The following GBE1 variants were observed in gnomAD, a reference collection of about 807,000 sequenced individuals.
GBE1 encodes the protein 1,4-alpha-glucan-branching enzyme.
Under a neutral mutation model 88.8 loss-of-function variants are expected in GBE1, and 70 were observed. The observed-to-expected ratio is 0.79, with a 90% CI of 0.65 to 0.96. The LOEUF (loss-of-function observed/expected upper bound fraction) is 0.96. GBE1 is among the 40% of genes least tolerant of loss of function. The pLI is 0.00. For synonymous variants in GBE1, 284 were observed against 300.1 expected (o/e 0.95, Z 0.56); for missense variants, 872 against 871.0 (o/e 1.00, Z -0.01).
chr3:81,754,516 A>T (rs1025155804), intron 1 of GBE1, among the ~76,000 whole-genome samples: 2 of 148,438 alleles, frequency 1.3e-5, no homozygotes, highest in Non-Finnish European at 3.0e-5. Flanking sequence ...AATCTTAGCA[A>T]AAAAAAAAAA....
chr3:81,608,360 T>C (rs1440253396), intron 7 of GBE1, among the ~76,000 whole-genome samples: 1 of 152,212 alleles, frequency 6.6e-6, no homozygotes, highest in Non-Finnish European at 1.5e-5. Context: ...TCTTGAGAAG[T>C]ATTTTATTTA....
At position 81,709,277 on chromosome 3, in the gene GBE1, T is replaced by C. The variant is rs141850894; in HGVS notation, c.144-3664A>G. ...TATGCAGGCCTGATGGAATACCATA[T>C]GCAAACTCTTTAAATCATATGAGAA... On this transcript the variant is annotated intron_variant, in intron 1 of 15. Transcript: ENST00000429644. 2.2e-4 allele frequency among the ~76,000 whole-genome samples: 33 copies of C among 152,286 alleles called. No homozygotes were observed. The East Asian group carries it at 5.8e-3, about 27-fold the overall frequency.
intron 1 of GBE1, among the ~76,000 whole-genome samples, chr3:81,736,003 G>C (rs541646529): frequency 6.6e-6 from 1 of 152,228 alleles, no homozygotes; most frequent in Non-Finnish European, 1.5e-5. Context: ...GAAAATGATA[G>C]CTACCTTATC....
At chr3:81,640,252 G>A (rs1047930377) in intron 7 of GBE1, among the ~76,000 whole-genome samples, 2 of 151,886 alleles carry the variant, frequency 1.3e-5, no homozygotes, top group Non-Finnish European at 2.9e-5. Context: ...CAGTGGACTG[G>A]AAAAGGCAGA....
intron 14 of GBE1, chr3:81,509,434 T>G (rs1702696068): frequency 6.6e-6 from 1 of 151,848 alleles, no homozygotes; most frequent in African/African-American, 2.4e-5. Flanking sequence ...TTCACCATAG[T>G]ATTATCAGCT....
At chr3:81,715,299 G>A (rs1475803763) in intron 1 of GBE1, among the ~76,000 whole-genome samples, 2 of 152,142 alleles carry the variant, frequency 1.3e-5, no homozygotes, top group African/African-American at 2.4e-5. Context: ...ATAATAAACT[G>A]GGGATGTGAT....
chr3:81,613,554 A>G (rs1370532717), intron 7 of GBE1, among the ~76,000 whole-genome samples: 1 of 152,174 alleles, frequency 6.6e-6, no homozygotes, highest in Non-Finnish European at 1.5e-5. Context: ...AAAAGAAAAA[A>G]AAAACTTAAA....
chr3:81,689,237 T>C (rs1294085158), intron 2 of GBE1, among the ~76,000 whole-genome samples: 2 of 152,202 alleles, frequency 1.3e-5, no homozygotes, highest in African/African-American at 4.8e-5. Flanking sequence ...CAGGTTAAAC[T>C]TCTCTCTTTG....
At chr3:81,546,032 T>C (rs954549540) in intron 12 of GBE1, among the ~76,000 whole-genome samples, 1 of 152,182 alleles carries the variant, frequency 6.6e-6, no homozygotes, top group Non-Finnish European at 1.5e-5. Context: ...TATGTTATTA[T>C]GCAGTATTGT....
chr3:81,664,775 T>G (rs1269751618), intron 3 of GBE1, among the ~76,000 whole-genome samples: 3 of 152,318 alleles, frequency 2.0e-5, no homozygotes, highest in Non-Finnish European at 2.9e-5. Flanking sequence ...ATTTCATTAT[T>G]ATTATCACTT....
intron 7 of GBE1, among the ~76,000 whole-genome samples, chr3:81,618,196 G>A (rs1024941019): frequency 6.6e-6 from 1 of 152,016 alleles, no homozygotes; most frequent in African/African-American, 2.4e-5. Flanking sequence ...TCGTTCATCT[G>A]AGAATGTCTT....
intron 1 of GBE1, among the ~76,000 whole-genome samples, chr3:81,739,610 T>C (rs147112276): frequency 3.9e-5 from 6 of 152,232 alleles, no homozygotes; most frequent in African/African-American, 1.2e-4. Context: ...CTTTCCTTAA[T>C]AGAAAAATAA....
At chr3:81,631,457 C>T (rs1704506973) in intron 7 of GBE1, among the ~76,000 whole-genome samples, 1 of 152,040 alleles carries the variant, frequency 6.6e-6, no homozygotes, top group South Asian at 2.1e-4. Flanking sequence ...TTAACAATGA[C>T]CAGGCGTGGT....
chr3:81,576,756 GTCAAC>G (rs1381710633), intron 12 of GBE1, among the ~76,000 whole-genome samples: 6,043 of 152,002 alleles, frequency 0.04, 404 homozygotes, highest in African/African-American at 0.14. Context: ...GGCTAGGGAT[GTCAAC>G]AAATTTCAGT....
intron 7 of GBE1, among the ~76,000 whole-genome samples, chr3:81,625,264 A>T (rs1464977813): frequency 2.0e-5 from 3 of 152,162 alleles, no homozygotes; most frequent in African/African-American, 7.2e-5. Context: ...GCTTCTTCTC[A>T]GGATATTTGA....
chr3:81,689,817 T>C (rs1257938688), intron 2 of GBE1, among the ~76,000 whole-genome samples: 2 of 152,066 alleles, frequency 1.3e-5, no homozygotes, highest in African/African-American at 4.8e-5. Context: ...GGGAAGTTAG[T>C]GTTGTTTGCA....
chr3:81,758,336 A>G (rs1479997514), intron 1 of GBE1, among the ~76,000 whole-genome samples: 1 of 152,244 alleles, frequency 6.6e-6, no homozygotes, highest in Non-Finnish European at 1.5e-5. Flanking sequence ...ACAAATGCCA[A>G]TTCTCTGTTT....
rs529281897 is a variant in GBE1, at chr3:81,606,715, G to A, written c.993-12692C>T. 6.7e-4 allele frequency among the ~76,000 whole-genome samples: 102 copies of A among 152,238 alleles called. 2 individuals carry two copies. The South Asian group carries it at 0.02, about 30-fold the overall frequency. ...TAGCCAAATGTCAATTAGATTTCACGCAAATATGATCTCTTAGAGGACTTC... is the reference window on the plus strand; with the variant it reads ...TAGCCAAATGTCAATTAGATTTCACACAAATATGATCTCTTAGAGGACTTC... On this transcript the variant is annotated intron_variant, in intron 7 of 15. Transcript: ENST00000429644.
chr3:81,535,364 C>A, intron 13 of GBE1, 39 bp from the exon 14 acceptor site: 1 of 1,552,610 alleles, frequency 6.4e-7, no homozygotes, highest in South Asian at 1.2e-5. Context: ...TAAATAATAC[C>A]TAGATGCTGC....
Sources: gnomAD v4.1 joint callset for allele counts (sites outside exome capture counted in the v4.1 genomes callset) on GRCh38, gnomAD v4.1.1 for gene constraint, MANE v1.5 for transcripts, NCBI Gene and HGNC (gene_info 2026-07-23, HGNC 2026-07-21) for gene names.